The following MTA3 variants were observed in gnomAD, a reference collection of about 807,000 sequenced individuals.
MTA3 encodes metastasis-associated protein MTA3.
Under a neutral mutation model 83.5 loss-of-function variants are expected in MTA3, and 34 were observed. The ratio of observed to expected loss-of-function variants is 0.41; its 90% CI spans 0.31 to 0.54. MTA3 has a LOEUF of 0.54. MTA3 is among the 20% of genes least tolerant of loss of function. The pLI is 0.33. For missense variants in MTA3, 761 were observed against 726.4 expected (o/e 1.05, Z -0.55); for synonymous variants, 303 against 252.7 (o/e 1.20, Z -1.89).
At chr2:42,518,207 C>T (rs1434014141) in intron 2 of MTA3, among the ~76,000 whole-genome samples, 1 of 151,926 alleles carries the variant, frequency 6.6e-6, no homozygotes, top group African/African-American at 2.4e-5. Context: ...AAAGAAAATA[C>T]AGTTGAGTTG....
chr2:42,495,746 G>A (rs1300726348), intron 2 of MTA3, among the ~76,000 whole-genome samples: 1 of 152,134 alleles, frequency 6.6e-6, no homozygotes, highest in Non-Finnish European at 1.5e-5. Context: ...AGCAGAAATG[G>A]CTTGATGAAA....
chr2:42,639,766 T>C (rs1341149695), intron 4 of MTA3, among the ~76,000 whole-genome samples: 2 of 152,228 alleles, frequency 1.3e-5, no homozygotes, highest in Non-Finnish European at 2.9e-5. Context: ...ATTTAGCCAT[T>C]GGTTTGTGTG....
rs1477783702 is a variant in MTA3 at position 42,708,068 on chromosome 2, T to C, written c.1302+14T>C. On this transcript the variant is annotated intron_variant, in intron 13 of 16. Transcript: ENST00000405094. Reference sequence around the variant, plus strand: ...CCAACTACAGAGGTACAGTAGTCTTTTTAGTGTTGAAAAATGGCATGTTTT... The same window carrying C: ...CCAACTACAGAGGTACAGTAGTCTTCTTAGTGTTGAAAAATGGCATGTTTT... The C allele has an allele frequency of 4.4e-6, 7 of 1,589,404 alleles. No homozygotes were observed. Among genetic ancestry groups the C allele is most frequent in the Non-Finnish European group, 6.0e-6 (7 of 1,172,204 alleles).
intron 2 of MTA3, among the ~76,000 whole-genome samples, chr2:42,572,233 C>T (rs921019739): frequency 9.2e-5 from 14 of 151,654 alleles, no homozygotes; most frequent in Admixed American, 3.9e-4. Flanking sequence ...GAGCCGAGAT[C>T]GCGCCACTGC....
intron 2 of MTA3, among the ~76,000 whole-genome samples, chr2:42,513,840 G>A (rs1675012046): frequency 6.6e-6 from 1 of 152,164 alleles, no homozygotes; most frequent in Non-Finnish European, 1.5e-5. Flanking sequence ...GCCCTGGAAG[G>A]ATTTCAGACT....
At chr2:42,640,094 A>AT (rs1343473184) in intron 4 of MTA3, 79 bp from the exon 5 acceptor site, 1 of 1,076,984 alleles carries the variant, frequency 9.3e-7, no homozygotes, top group Non-Finnish European at 1.4e-6. Flanking sequence ...CCAGTCTCAC[A>AT]TTCTTAACTT....
intron 2 of MTA3, among the ~76,000 whole-genome samples, chr2:42,516,930 G>T (rs529393549): frequency 6.6e-6 from 1 of 152,244 alleles, no homozygotes; most frequent in East Asian, 1.9e-4. Flanking sequence ...TTCAAGACCA[G>T]CCTGGGCAAC....
At chr2:42,642,341 A>T (rs1159743047) in intron 5 of MTA3, among the ~76,000 whole-genome samples, 1 of 152,102 alleles carries the variant, frequency 6.6e-6, no homozygotes, top group Non-Finnish European at 1.5e-5. Context: ...ATAAAAAGTG[A>T]ACTGAAGTAT....
intron 8 of MTA3, among the ~76,000 whole-genome samples, 166 bp downstream of exon 8, chr2:42,660,028 C>A (rs887371680): frequency 6.6e-6 from 1 of 151,202 alleles, no homozygotes; most frequent in African/African-American, 2.4e-5. Context: ...TGATAACACT[C>A]GTCTGTGAGT....
At chr2:42,647,157 A>AAAAAAAAAAAC in intron 6 of MTA3, among the ~76,000 whole-genome samples, 1 of 150,292 alleles carries the variant, frequency 6.7e-6, no homozygotes, top group Non-Finnish European at 1.5e-5. Flanking sequence ...ACTCTGTCTA[A>AAAAAAAAAAAC]AAAAAAAAAA....
intron 8 of MTA3, among the ~76,000 whole-genome samples, chr2:42,661,018 A>G (rs1327850178): frequency 1.3e-5 from 2 of 152,158 alleles, no homozygotes; most frequent in African/African-American, 4.8e-5. Context: ...CTTCTGTACA[A>G]TTATAGATTG....
intron 16 of MTA3, among the ~76,000 whole-genome samples, chr2:42,748,153 T>G (rs1669581669): frequency 6.6e-6 from 1 of 151,810 alleles, no homozygotes; most frequent in Non-Finnish European, 1.5e-5. Context: ...CTCAGCCTCC[T>G]GAGTAGCTGG....
intron 7 of MTA3, 134 bp from the exon 8 acceptor site, chr2:42,659,629 C>A: frequency 2.1e-6 from 1 of 476,480 alleles, no homozygotes; most frequent in Non-Finnish European, 3.4e-6. Context: ...ATGTTTGATT[C>A]TCATTCAGAA....
chr2:42,504,614 C>G (rs1674546340), intron 2 of MTA3, among the ~76,000 whole-genome samples: 1 of 152,090 alleles, frequency 6.6e-6, no homozygotes, highest in South Asian at 2.1e-4. Flanking sequence ...ATGACACCAT[C>G]TCACATCAAT....
At chr2:42,697,382 CAGAGAG>C (rs113912244) in intron 10 of MTA3, among the ~76,000 whole-genome samples, 4 of 149,544 alleles carry the variant, frequency 2.7e-5, no homozygotes, top group Non-Finnish European at 4.5e-5. Context: ...TTTCTAAAAG[CAGAGAG>C]AGAGAGAGAG....
chr2:42,660,025 A>G (rs1378481546), intron 8 of MTA3, among the ~76,000 whole-genome samples, 163 bp downstream of exon 8: 1 of 150,674 alleles, frequency 6.6e-6, no homozygotes, highest in African/African-American at 2.4e-5. Flanking sequence ...TTATGATAAC[A>G]CTCGTCTGTG....
At chr2:42,706,001 G>A (rs1258514433) in intron 12 of MTA3, among the ~76,000 whole-genome samples, 1 of 152,068 alleles carries the variant, frequency 6.6e-6, no homozygotes, top group Non-Finnish European at 1.5e-5. Flanking sequence ...TTATTAAAAT[G>A]ATTTGCATGA....
chr2:42,537,586 A>G (rs1408714380), intron 2 of MTA3, among the ~76,000 whole-genome samples: 1 of 152,024 alleles, frequency 6.6e-6, no homozygotes, highest in Non-Finnish European at 1.5e-5. Context: ...ATAAATAAAC[A>G]AAATAAAATA....
intron 2 of MTA3, among the ~76,000 whole-genome samples, chr2:42,514,971 G>A (rs371198391): frequency 1.6e-4 from 25 of 151,926 alleles, no homozygotes; most frequent in African/African-American, 5.3e-4. Flanking sequence ...GATTACAGGC[G>A]TGACCCACTA....
Sources: allele counts gnomAD v4.1 joint callset (sites outside exome capture counted in the v4.1 genomes callset), GRCh38; gene constraint gnomAD v4.1.1; transcripts MANE v1.5; gene names NCBI Gene and HGNC (gene_info 2026-07-23, HGNC 2026-07-21).